ZDHHC1: variants seen among roughly 807,000 people sequenced by gnomAD.
ZDHHC1 encodes the protein zDHHC palmitoyltransferase 1.
A neutral mutation model predicts 46.9 loss-of-function variants in ZDHHC1; 45 were observed. The ratio of observed to expected loss-of-function variants is 0.96; its 90% CI spans 0.76 to 1.23. The LOEUF is 1.23. Among genes scored for constraint, ZDHHC1 ranks in the 50% most tolerant of loss-of-function variants. The probability of loss-of-function intolerance (pLI) is 0.00; values close to 1 mark genes in which losing one functional copy is unlikely to be tolerated. For synonymous variants in ZDHHC1, 291 were observed against 286.0 expected (o/e 1.02, Z -0.18); for missense variants, 649 against 670.8 (o/e 0.97, Z 0.36).
Position 67,394,744 on chromosome 16 carries a change from C to T in ZDHHC1, c.1315G>A (p.Ala439Thr). The T allele has an allele frequency of 5.4e-6, 8 of 1,488,054 alleles. No individual in the cohort carries two copies. Among genetic ancestry groups the T allele is most frequent in the Non-Finnish European group, 7.1e-6 (8 of 1,126,792 alleles). 92.2% of individuals were successfully genotyped at this position (1,488,054 alleles called of 1,614,324 possible). The change falls in exon 12 of 12, where the codon GCC becomes ACC. Residue 439 changes from alanine to threonine, a missense_variant. Ala to Thr is a moderately conservative substitution (Grantham distance 58). Coordinates refer to ENST00000565726, the MANE Select transcript of ZDHHC1 (RefSeq NM_001323627.2). ...IPVAQTRLGS[A>T]ALAAPRGRGR... Reference sequence around the variant, plus strand: ...CGGCCCCGCGGGGCGGCCAGAGCGGCGCTGCCCAGGCGCGTCTGCGCCACT... The same window carrying T: ...CGGCCCCGCGGGGCGGCCAGAGCGGTGCTGCCCAGGCGCGTCTGCGCCACT...
At chr16:67,400,897 C>T in intron 4 of ZDHHC1, 60 bp downstream of exon 4, 3 of 1,573,472 alleles carry the variant, frequency 1.9e-6, no homozygotes, top group Non-Finnish European at 2.6e-6. Flanking sequence ...CCCTGGCACC[C>T]CCTCTCCACC....
Position 67,406,090 on chromosome 16 carries a change from C to A in ZDHHC1, c.252+110G>T. 6.9e-7 allele frequency: 1 copy of A among 1,455,790 alleles called. No homozygotes were observed. The highest frequency in any genetic ancestry group is 9.1e-7 in the Non-Finnish European group (1 of 1,097,940). 90.2% of individuals were successfully genotyped at this position (1,455,790 alleles called of 1,614,324 possible). The stretch of plus-strand genomic sequence containing the variant: ...AGGACTGGGCCCACCCTGCTCCACT[C>A]TCCTGACTGTGCTCCCCAAGGCTCT... On this transcript the variant is annotated intron_variant, in intron 3 of 11. Coordinates refer to ENST00000565726, the MANE Select transcript of ZDHHC1 (RefSeq NM_001323627.2). This position sits in a 1 kb window ranked among gnomAD's most constrained non-coding sequence, Gnocchi z 4.1.
At chr16:67,407,914 G>C in intron 1 of ZDHHC1, 101 bp from the exon 2 acceptor site, 1 of 684,924 alleles carries the variant, frequency 1.5e-6, no homozygotes, top group Non-Finnish European at 2.7e-6. Context: ...ATCCAGCCCT[G>C]CCCTCTTTCT....
In ZDHHC1 at chr16:67,406,490, C is replaced by A. The variant is rs1167496301; in HGVS notation, c.10-48G>T. ...GAGAGCATTAGCCCAAGAAGCTGGG[C>A]TGGAGCCCAGGGCCTGTGTCTGCAG... On this transcript the variant is annotated intron_variant, in intron 2 of 11. Transcript: ENST00000565726. The surrounding 1 kb of genome is among the most constrained non-coding windows in gnomAD (Gnocchi z 4.1). 2.7e-6 allele frequency: 4 copies of A among 1,458,178 alleles called. No homozygotes were observed. The highest frequency in any genetic ancestry group is 3.6e-6 in the Non-Finnish European group (4 of 1,103,668). 90.3% of individuals were successfully genotyped at this position (1,458,178 alleles called of 1,614,324 possible).
intron 5 of ZDHHC1, 119 bp from the exon 6 acceptor site, chr16:67,399,063 C>T: frequency 7.2e-7 from 1 of 1,379,970 alleles, no homozygotes; most frequent in South Asian, 1.5e-5. Flanking sequence ...ACCCCACAGC[C>T]CCAACTCCTC....
intron 1 of ZDHHC1, among the ~76,000 whole-genome samples, chr16:67,411,916 C>T (rs1335210783): frequency 2.0e-5 from 3 of 152,158 alleles, no homozygotes; most frequent in Admixed American, 6.5e-5. Context: ...AGTTCGTGAC[C>T]AGCCTGGTCA....
At position 67,401,329 on chromosome 16, in the gene ZDHHC1, G is replaced by C. The variant is rs2040549965; in HGVS notation, c.253-197C>G. 6.6e-6 allele frequency among the ~76,000 whole-genome samples: 1 copy of C among 152,236 alleles called. No individual in the cohort carries two copies. Among genetic ancestry groups the C allele is most frequent in the Admixed American group, 6.5e-5 (1 of 15,282 alleles). On this transcript the variant is annotated intron_variant, in intron 3 of 11. Coordinates refer to ENST00000565726, the MANE Select transcript of ZDHHC1 (RefSeq NM_001323627.2). This position sits in a 1 kb window ranked among gnomAD's most constrained non-coding sequence, Gnocchi z 4.6. ...AACCCCTATGCCCCAAATGGAAAGAGGGAGAGGCCATCTAGGAAAGGAGTC... is the reference window on the plus strand; with the variant it reads ...AACCCCTATGCCCCAAATGGAAAGACGGAGAGGCCATCTAGGAAAGGAGTC...
Position 67,406,512 on chromosome 16 carries a change from G to A in ZDHHC1, c.10-70C>T. 6.9e-7 allele frequency: 1 copy of A among 1,442,406 alleles called. No homozygotes were observed. The allele number at this position is 1,442,406 out of a possible 1,614,324, so 89.4% of individuals were successfully genotyped here. On this transcript the variant is annotated intron_variant, in intron 2 of 11. Coordinates refer to ENST00000565726, the MANE Select transcript of ZDHHC1 (RefSeq NM_001323627.2). The surrounding 1 kb of genome is among the most constrained non-coding windows in gnomAD (Gnocchi z 4.1). ...GGGCTGGAGCCCAGGGCCTGTGTCT[G>A]CAGCCAAGTTTCAGCACAGGGGGAG...
chr16:67,411,679 C>G (rs930215161), intron 1 of ZDHHC1, among the ~76,000 whole-genome samples: 2 of 151,922 alleles, frequency 1.3e-5, no homozygotes, highest in Non-Finnish European at 2.9e-5. Context: ...TAAACTATGG[C>G]ACATCCATAC....
At chr16:67,400,323 GGA>G (rs1391197171) in intron 4 of ZDHHC1, among the ~76,000 whole-genome samples, 2 of 152,198 alleles carry the variant, frequency 1.3e-5, no homozygotes, top group African/African-American at 4.8e-5. Context: ...CCAGAAGGGT[GGA>G]GAGGGGCCCC....
intron 3 of ZDHHC1, among the ~76,000 whole-genome samples, chr16:67,404,944 C>T (rs1316131319): frequency 6.6e-6 from 1 of 152,188 alleles, no homozygotes; most frequent in Non-Finnish European, 1.5e-5. Context: ...CCAGGTGATC[C>T]CTAGTGAGGG....
intron 1 of ZDHHC1, among the ~76,000 whole-genome samples, chr16:67,410,449 G>A (rs558900749): frequency 6.6e-6 from 1 of 152,260 alleles, no homozygotes; most frequent in African/African-American, 2.4e-5. Context: ...AGACAGGAAG[G>A]AGGGTGTCCC....
chr16:67,416,341 AC>A lies in ZDHHC1; in HGVS notation c.-210del. The A allele has an allele frequency of 5.8e-6, 1 of 172,300 alleles. No homozygotes were observed. Among genetic ancestry groups the A allele is most frequent in the Non-Finnish European group, 1.3e-5 (1 of 78,850 alleles). The allele number at this position is 172,300 out of a possible 1,614,324, so 10.7% of individuals were successfully genotyped here. ...GCCCGGGAGCGGGGCCCCATCCCGG[AC>A]GGAGACTGGGCCGGTGAGTCCTCGA... On this transcript the variant is annotated 5_prime_UTR_variant, in exon 1 of 12. Transcript: ENST00000565726.
At position 67,398,569 on chromosome 16, in the gene ZDHHC1, T is replaced by C. The variant is rs1205481124; in HGVS notation, c.814+4A>G. The C allele has an allele frequency of 6.3e-7, 1 of 1,595,412 alleles. No individual in the cohort carries two copies. Among genetic ancestry groups the C allele is most frequent in the Non-Finnish European group, 8.5e-7 (1 of 1,173,650 alleles). The stretch of plus-strand genomic sequence containing the variant: ...TCCAGAAGGCAGGTGCAGGAGGCAC[T>C]TACTGAGATAAATGTGGAAGCAGAG... On this transcript the variant is annotated splice_donor_region_variant and intron_variant, in intron 7 of 11. Transcript: ENST00000565726.
At chr16:67,404,841 T>C (rs180844835) in intron 3 of ZDHHC1, 14 of 399,184 alleles carry the variant, frequency 3.5e-5, no homozygotes, top group Admixed American at 1.6e-4. Flanking sequence ...TACTGCCTTC[T>C]GTTTATCATG....
At chr16:67,398,441 A>T in intron 7 of ZDHHC1, 117 bp from the exon 8 acceptor site, 3 of 1,507,922 alleles carry the variant, frequency 2.0e-6, no homozygotes, top group Non-Finnish European at 2.7e-6. Context: ...CGAAGCCATC[A>T]GGTGAGACCT....
Position 67,394,738 on chromosome 16 carries a change from G to C in ZDHHC1, c.1321C>G (p.Leu441Val). 6.9e-7 allele frequency: 1 copy of C among 1,442,806 alleles called. No individual in the cohort carries two copies. The highest frequency in any genetic ancestry group is 9.1e-7 in the Non-Finnish European group (1 of 1,104,022). 89.4% of individuals were successfully genotyped at this position (1,442,806 alleles called of 1,614,324 possible). The part of the protein sequence containing the change: ...VAQTRLGSAA[L>V]AAPRGRGRQP... Reference sequence around the variant, plus strand: ...CGGCCCCGGCCCCGCGGGGCGGCCAGAGCGGCGCTGCCCAGGCGCGTCTGC... The same window carrying C: ...CGGCCCCGGCCCCGCGGGGCGGCCACAGCGGCGCTGCCCAGGCGCGTCTGC... The change falls in exon 12 of 12, where the codon CTG becomes GTG. Residue 441 changes from leucine to valine, a missense_variant. Coordinates refer to ENST00000565726, the MANE Select transcript of ZDHHC1 (RefSeq NM_001323627.2).
intron 1 of ZDHHC1, among the ~76,000 whole-genome samples, chr16:67,415,163 TAAA>T (rs1366914576): frequency 1.3e-5 from 2 of 151,034 alleles, no homozygotes; most frequent in African/African-American, 2.4e-5. Context: ...AAACAAAAAA[TAAA>T]AAACTCTTCT....
chr16:67,413,079 C>G (rs915980989), intron 1 of ZDHHC1, among the ~76,000 whole-genome samples: 3 of 150,262 alleles, frequency 2.0e-5, no homozygotes, highest in African/African-American at 7.4e-5. Context: ...TGCACCCAGC[C>G]TATTTTTTTT....
Sources: allele counts gnomAD v4.1 joint callset (sites outside exome capture counted in the v4.1 genomes callset), GRCh38; gene constraint gnomAD v4.1.1; non-coding constraint Gnocchi (gnomAD v3.1); transcripts MANE v1.5; gene names NCBI Gene and HGNC (gene_info 2026-07-23, HGNC 2026-07-21).